The following NCOR1 variants were observed in gnomAD, a reference collection of about 807,000 sequenced individuals.
NCOR1 encodes protein phosphatase 1, regulatory subunit 109.
NCOR1 carries 63 observed loss-of-function variants against 288.1 expected under a neutral mutation model. The observed-to-expected ratio is 0.22, with a 90% CI of 0.18 to 0.27. The LOEUF (loss-of-function observed/expected upper bound fraction) is 0.27, where lower values mean the gene tolerates loss of function less well. Among genes scored for constraint, NCOR1 ranks in the 10% least tolerant of loss-of-function variants. NCOR1 has a pLI of 1.00. For synonymous variants in NCOR1, 1,007 were observed against 1,065.9 expected, an observed-to-expected ratio of 0.94 and a Z score of 1.08; for missense variants, 2,397 against 3,019.2, an observed-to-expected ratio of 0.79 and a Z score of 4.83.
intron 6 of NCOR1, among the ~76,000 whole-genome samples, chr17:16,157,972 T>A (rs2080084841): frequency 6.6e-6 from 1 of 151,988 alleles, no homozygotes; most frequent in Non-Finnish European, 1.5e-5. Flanking sequence ...TACCTTGAAC[T>A]TTGATTTTTT....
intron 3 of NCOR1, among the ~76,000 whole-genome samples, chr17:16,183,912 A>G (rs2086062896): frequency 6.6e-6 from 1 of 152,192 alleles, no homozygotes; most frequent in South Asian, 2.1e-4. Flanking sequence ...AAAAGAATAG[A>G]AAGCCCAGAA....
In NCOR1 at chr17:16,139,061, A is replaced by T. The variant is rs1250579057; in HGVS notation, c.1299T>A (p.Asp433Glu). The stretch of plus-strand genomic sequence containing the variant: ...CAGTCCAAACATTCATAAACTGCCT[A>T]TCTTTATACACTTTCATAGGGTCCT... ...LMEDPMKVYKDRQFMNVWTDH... is the reference protein window; with the variant it reads ...LMEDPMKVYKERQFMNVWTDH... The change falls in exon 12 of 46, where the codon GAT becomes GAA. Residue 433 changes from aspartate (D) to glutamate (E), a missense_variant. This residue lies in a region of NCOR1 where 80 missense variants were observed against 100.3 expected (regional missense o/e 0.80). Coordinates refer to ENST00000268712, the MANE Select transcript of NCOR1 (RefSeq NM_006311.4). The T allele has an allele frequency of 7.5e-6, 12 of 1,609,176 alleles. No individual in the cohort carries two copies. The South Asian group carries it at 1.2e-4, about 16-fold the overall frequency.
At chr17:16,189,220 C>A (rs1215555640) in intron 2 of NCOR1, among the ~76,000 whole-genome samples, 1 of 151,952 alleles carries the variant, frequency 6.6e-6, no homozygotes, top group African/African-American at 2.4e-5. Context: ...TTGGCGAAAC[C>A]CCGTGTGTAC....
intron 23 of NCOR1, among the ~76,000 whole-genome samples, chr17:16,081,231 A>T (rs1399180406): frequency 1.6e-5 from 2 of 122,178 alleles, no homozygotes; most frequent in South Asian, 2.5e-4. Flanking sequence ...TTTTTGAGAC[A>T]GAGATTTGCT....
chr17:16,194,768 TTAA>T (rs1235945052), intron 1 of NCOR1, 129 bp from the exon 2 acceptor site: 2 of 380,850 alleles, frequency 5.3e-6, no homozygotes. Flanking sequence ...ATGTATTTAC[TTAA>T]TAAAAGTTAC....
chr17:16,124,787 A>T (rs1456835684), intron 15 of NCOR1, among the ~76,000 whole-genome samples: 2 of 152,238 alleles, frequency 1.3e-5, no homozygotes, highest in African/African-American at 4.8e-5. Flanking sequence ...GAAGTCAATA[A>T]AGCTGGAATC....
At chr17:16,171,738 CATGAGT>C (rs1599866073) in intron 4 of NCOR1, 59 bp downstream of exon 4, 2 of 1,337,584 alleles carry the variant, frequency 1.5e-6, no homozygotes, top group South Asian at 1.7e-5. Context: ...AGGTGCTATG[CATGAGT>C]ATAACTAAAT....
In NCOR1 at chr17:16,143,704, TGAGG is replaced by T; in HGVS notation, c.1083-12_1083-9del. Reference sequence around the variant, plus strand: ...GCTCCCCTCTGCCCAACTCTAAACATGAGGGAGAAATTAAAAATATATTTAAAGA... The same window carrying T: ...GCTCCCCTCTGCCCAACTCTAAACATGAGAAATTAAAAATATATTTAAAGA... On this transcript the variant is annotated splice_polypyrimidine_tract_variant and intron_variant, in intron 10 of 45. Coordinates refer to ENST00000268712, the MANE Select transcript of NCOR1 (RefSeq NM_006311.4). The T allele has an allele frequency of 1.3e-6, 2 of 1,598,520 alleles. No homozygotes were observed. Among genetic ancestry groups the T allele is most frequent in the Non-Finnish European group, 1.7e-6 (2 of 1,168,562 alleles).
intron 7 of NCOR1, 41 bp downstream of exon 7, chr17:16,153,298 A>G (rs1446253743): frequency 6.9e-7 from 1 of 1,448,212 alleles, no homozygotes; most frequent in African/African-American, 1.4e-5. Context: ...ACCACCAAAA[A>G]TTAAAAAAAA....
Position 16,114,996 on chromosome 17 carries a change from T to C in NCOR1, c.2055+2892A>G, listed in dbSNP as rs373339022. Among the ~76,000 whole-genome samples the C allele has an allele frequency of 9.2e-5, 14 of 152,242 alleles. No individual in the cohort carries two copies. The South Asian group carries it at 2.7e-3, about 29-fold the overall frequency. On this transcript the variant is annotated intron_variant, in intron 18 of 45. Transcript: ENST00000268712. ...GTCCTCCATGAGAGCCCCACCCCTG[T>C]AGCAAACTTCTGCTTGAACATCCAG...
At chr17:16,157,133 T>TA (rs1023681089) in intron 6 of NCOR1, among the ~76,000 whole-genome samples, 2 of 151,656 alleles carry the variant, frequency 1.3e-5, no homozygotes, top group Admixed American at 6.6e-5. Flanking sequence ...TTTTTTTTTT[T>TA]AAAAAAACAA....
At position 16,051,044 on chromosome 17, in the gene NCOR1, G is replaced by A. The variant is rs566947207; in HGVS notation, c.6393-2056C>T. On this transcript the variant is annotated intron_variant, in intron 40 of 45. Coordinates refer to ENST00000268712, the MANE Select transcript of NCOR1 (RefSeq NM_006311.4). ...TGTGGAGATGGGGTCTCACTACATT[G>A]CCCAGGCTGGTCTTGAACCGCTGGC... Among the ~76,000 whole-genome samples, 6 of 152,100 alleles carry A rather than the reference G, an allele frequency of 3.9e-5. No homozygotes were observed. The East Asian group carries it at 1.2e-3, about 29-fold the overall frequency.
chr17:16,187,856 T>C (rs545755), intron 2 of NCOR1, among the ~76,000 whole-genome samples: 79,460 of 149,730 alleles, frequency 0.53, 21,410 homozygotes, highest in Middle Eastern at 0.61. Context: ...GCTCTGATTG[T>C]GCCACTGCAC....
chr17:16,039,353 T>C, intron 44 of NCOR1, 80 bp downstream of exon 44: 1 of 1,299,870 alleles, frequency 7.7e-7, no homozygotes, highest in Non-Finnish European at 1.1e-6. Context: ...TGAAATGTCT[T>C]AGTGATGCAT....
At chr17:16,167,815 G>T (rs2082300907) in intron 4 of NCOR1, among the ~76,000 whole-genome samples, 1 of 128,128 alleles carries the variant, frequency 7.8e-6, no homozygotes, top group African/African-American at 2.9e-5. Context: ...AGCATAGATG[G>T]CACCACTGCA....
chr17:16,205,788 T>C (rs1475431373), intron 1 of NCOR1, among the ~76,000 whole-genome samples: 1 of 149,818 alleles, frequency 6.7e-6, no homozygotes, highest in East Asian at 2.0e-4. Context: ...AAATACAAAA[T>C]TAGCTGGGAG....
intron 23 of NCOR1, among the ~76,000 whole-genome samples, chr17:16,082,035 G>C (rs1056333151): frequency 6.6e-6 from 1 of 152,204 alleles, no homozygotes; most frequent in African/African-American, 2.4e-5. Context: ...TGATTTTACT[G>C]ATTTTAGACA....
chr17:16,071,665 C>T lies in NCOR1; in HGVS notation c.3896G>A (p.Gly1299Glu). The T allele has an allele frequency of 6.2e-7, 1 of 1,605,778 alleles. No homozygotes were observed. Among genetic ancestry groups the T allele is most frequent in the Non-Finnish European group, 8.5e-7 (1 of 1,176,340 alleles). ...GCTTTCAGTTGTTGCTCTTGGTGTC[C>T]CTTGAAAAAGAATTCAGGAAACATT... The part of the protein sequence containing the change: ...RTVLSGSIMQ[G>E]TPRATTESFE... Residue 1299 changes from glycine to glutamate, a missense_variant and splice_region_variant, in exon 30 of 46, where the codon GGG becomes GAG. Gly to Glu is a moderately conservative substitution (Grantham distance 98, BLOSUM62 -2). Transcript: ENST00000268712.
chr17:16,203,802 G>T (rs138222025), intron 1 of NCOR1, among the ~76,000 whole-genome samples: 1 of 152,168 alleles, frequency 6.6e-6, no homozygotes, highest in African/African-American at 2.4e-5. Flanking sequence ...GAAGCAAAGT[G>T]TGAAAATCTA....
Sources: allele counts gnomAD v4.1 joint callset (sites outside exome capture counted in the v4.1 genomes callset), GRCh38; gene constraint gnomAD v4.1.1; regional missense constraint gnomAD v4.1.1; transcripts MANE v1.5; gene names NCBI Gene and HGNC (gene_info 2026-07-23, HGNC 2026-07-21).